The following SLCO4C1 variants were observed in gnomAD, a reference collection of about 807,000 sequenced individuals.
SLCO4C1 encodes the protein solute carrier organic anion transporter family member 4C1.
In SLCO4C1, 58 loss-of-function variants were observed where a neutral mutation model predicts 72.1. That is an observed-to-expected ratio of 0.80 (90% CI 0.65 to 1.00). The LOEUF (loss-of-function observed/expected upper bound fraction) is 1.00. Among genes scored for constraint, SLCO4C1 ranks in the 50% least tolerant of loss-of-function variants. The pLI, the probability that SLCO4C1 is intolerant of heterozygous loss-of-function variation, is 0.00. For missense variants in SLCO4C1, 898 were observed against 857.9 expected (o/e 1.05, Z -0.58); for synonymous variants, 297 against 312.5 (o/e 0.95, Z 0.52).
chr5:102,263,014 T>C (rs971752777), intron 4 of SLCO4C1, among the ~76,000 whole-genome samples: 1 of 152,116 alleles, frequency 6.6e-6, no homozygotes, highest in Non-Finnish European at 1.5e-5. Context: ...ATTTCTCTAA[T>C]CAGGAAATGG....
rs192051556 is a variant in SLCO4C1 at position 102,235,128 on chromosome 5, G to T, written c.*1730C>A. The T allele has an allele frequency of 6.6e-6, 1 of 152,052 alleles. No homozygotes were observed. Among genetic ancestry groups the T allele is most frequent in the East Asian group, 1.9e-4 (1 of 5,172 alleles). 9.4% of individuals were successfully genotyped at this position (152,052 alleles called of 1,614,324 possible). A position where few individuals can be genotyped will look rare whatever the true frequency, so the allele number is the denominator to read the frequency against. ...GAATTTCACTTTACAATTGCGCTAGGTTCTAACATCGTTGGCCATAGATTA... is the reference window on the plus strand; with the variant it reads ...GAATTTCACTTTACAATTGCGCTAGTTTCTAACATCGTTGGCCATAGATTA... On this transcript the variant is annotated 3_prime_UTR_variant, in exon 13 of 13. Transcript: ENST00000310954.
chr5:102,283,636 T>G (rs2112393516), intron 2 of SLCO4C1, among the ~76,000 whole-genome samples: 1 of 145,978 alleles, frequency 6.9e-6, no homozygotes, highest in African/African-American at 2.5e-5. Flanking sequence ...TTCCACACAA[T>G]ATATCTGGTT....
chr5:102,243,455 G>A (rs1187162229), intron 10 of SLCO4C1, among the ~76,000 whole-genome samples: 1 of 152,198 alleles, frequency 6.6e-6, no homozygotes, highest in African/African-American at 2.4e-5. Context: ...TGGCCACAGA[G>A]GTGTTTGCAT....
At chr5:102,268,830 A>G (rs1414300704) in intron 3 of SLCO4C1, among the ~76,000 whole-genome samples, 2 of 151,998 alleles carry the variant, frequency 1.3e-5, no homozygotes, top group Non-Finnish European at 2.9e-5. Context: ...CATTTTTTGT[A>G]GGGCCGGTCT....
At chr5:102,257,618 CTTTT>C (rs34481556) in intron 7 of SLCO4C1, among the ~76,000 whole-genome samples, 12 of 143,182 alleles carry the variant, frequency 8.4e-5, no homozygotes, top group Admixed American at 1.4e-4. Flanking sequence ...GTTTAAGTGT[CTTTT>C]TTTTTTTTTT....
intron 12 of SLCO4C1, 88 bp downstream of exon 12, chr5:102,239,163 T>C: frequency 8.1e-7 from 1 of 1,236,576 alleles, no homozygotes; most frequent in Non-Finnish European, 1.1e-6. Context: ...CATTTCAAAA[T>C]ACCTGTGACC....
intron 7 of SLCO4C1, 76 bp downstream of exon 7, chr5:102,257,867 A>C: frequency 1.5e-6 from 2 of 1,357,576 alleles, no homozygotes; most frequent in Non-Finnish European, 2.0e-6. Flanking sequence ...GGGCTACCTC[A>C]AATTATACAC....
chr5:102,264,223 G>T (rs975687106), intron 3 of SLCO4C1, among the ~76,000 whole-genome samples: 1 of 152,072 alleles, frequency 6.6e-6, no homozygotes, highest in Non-Finnish European at 1.5e-5. Context: ...TGGATGTGCT[G>T]ATCAGTCTAT....
At chr5:102,247,149 A>T in intron 10 of SLCO4C1, 103 bp downstream of exon 10, 1 of 831,356 alleles carries the variant, frequency 1.2e-6, no homozygotes, top group Admixed American at 2.8e-5. Context: ...GCTGATTGGT[A>T]TTGAACCAAT....
intron 2 of SLCO4C1, among the ~76,000 whole-genome samples, chr5:102,277,905 TG>T (rs1464996126): frequency 6.6e-6 from 1 of 151,962 alleles, no homozygotes; most frequent in Non-Finnish European, 1.5e-5. Context: ...ATTCTAAAAC[TG>T]TTCAAGCAAC....
chr5:102,247,763 T>A (rs1281463866), intron 9 of SLCO4C1, among the ~76,000 whole-genome samples: 2 of 152,072 alleles, frequency 1.3e-5, no homozygotes, highest in Non-Finnish European at 2.9e-5. Flanking sequence ...TCAACAGTAA[T>A]TATTTCTTAA....
intron 3 of SLCO4C1, among the ~76,000 whole-genome samples, chr5:102,265,948 T>A: frequency 6.6e-6 from 1 of 152,148 alleles, no homozygotes; most frequent in East Asian, 1.9e-4. Context: ...TCCATGAGCA[T>A]GGGATGCCTT....
At position 102,260,328 on chromosome 5, in the gene SLCO4C1, A is replaced by ATAT; in HGVS notation, c.1022-10_1022-9insATA. The ATAT allele has an allele frequency of 1.7e-6, 1 of 578,134 alleles. No individual in the cohort carries two copies. The highest frequency in any genetic ancestry group is 5.0e-5 in the South Asian group (1 of 19,960). 35.8% of individuals were successfully genotyped at this position (578,134 alleles called of 1,614,324 possible). A position where few individuals can be genotyped will look rare whatever the true frequency, so the allele number is the denominator to read the frequency against. ...TTGAATTTCTGCTGTACCTAAAAAA[A>ATAT]AAATATATATATATATATAATATAT... On this transcript the variant is annotated splice_polypyrimidine_tract_variant and intron_variant, in intron 5 of 12. Transcript: ENST00000310954.
rs905220537 is a variant in SLCO4C1 at position 102,249,861 on chromosome 5, T to C, written c.1470-73A>G. 1.2e-5 allele frequency: 17 copies of C among 1,443,012 alleles called. No homozygotes were observed. The African/African-American group carries it at 2.3e-4, about 19-fold the overall frequency. The allele number at this position is 1,443,012 out of a possible 1,614,324, so 89.4% of individuals were successfully genotyped here. ...AACTAACAATTTCGAAGCACTGTTATATCTTACCATTAGGTCATTTATTCA... is the reference window on the plus strand; with the variant it reads ...AACTAACAATTTCGAAGCACTGTTACATCTTACCATTAGGTCATTTATTCA... On this transcript the variant is annotated intron_variant, in intron 8 of 12. Coordinates refer to ENST00000310954, the MANE Select transcript of SLCO4C1 (RefSeq NM_180991.5).
chr5:102,267,178 G>A (rs2112370258), intron 3 of SLCO4C1, among the ~76,000 whole-genome samples: 1 of 152,234 alleles, frequency 6.6e-6, no homozygotes, highest in Non-Finnish European at 1.5e-5. Flanking sequence ...CAACTATCTG[G>A]AATAGTTTGA....
At chr5:102,269,810 G>A (rs1749115050) in intron 3 of SLCO4C1, among the ~76,000 whole-genome samples, 1 of 152,020 alleles carries the variant, frequency 6.6e-6, no homozygotes, top group Non-Finnish European at 1.5e-5. Context: ...CACAGTTGGA[G>A]TAACAGTCAC....
intron 2 of SLCO4C1, among the ~76,000 whole-genome samples, chr5:102,285,647 T>C (rs1006169037): frequency 6.6e-6 from 1 of 152,158 alleles, no homozygotes; most frequent in African/African-American, 2.4e-5. Flanking sequence ...TATAAAAAAT[T>C]GTGATAGTTT....
chr5:102,295,917 C>CG lies in SLCO4C1; in HGVS notation c.345dup (p.Val116ArgfsTer8). On this transcript the variant is annotated frameshift_variant, in exon 1 of 13. Transcript: ENST00000310954. LOFTEE classifies it high-confidence loss of function. ...GGGCGCTGGACTTTACCTTGCGTGA[C>CG]GGCCAAGAGGCAGTAGTGAAGCAGA... The CG allele has an allele frequency of 1.9e-6, 3 of 1,611,966 alleles. No homozygotes were observed. The highest frequency in any genetic ancestry group is 2.5e-6 in the Non-Finnish European group (3 of 1,178,342).
intron 2 of SLCO4C1, among the ~76,000 whole-genome samples, chr5:102,283,127 C>T (rs1199865557): frequency 6.6e-6 from 1 of 151,494 alleles, no homozygotes; most frequent in African/African-American, 2.4e-5. Flanking sequence ...AAAACCCTTT[C>T]TAATGTACTA....
Sources: gnomAD v4.1 joint callset for allele counts (sites outside exome capture counted in the v4.1 genomes callset) on GRCh38, gnomAD v4.1.1 for gene constraint, MANE v1.5 for transcripts, NCBI Gene and HGNC (gene_info 2026-07-23, HGNC 2026-07-21) for gene names.